Variants in ADAMTS18 observed in about 807,000 individuals in gnomAD.
ADAMTS18 encodes the protein ADAM metallopeptidase with thrombospondin type 1 motif 18, also known as A disintegrin and metalloproteinase with thrombospondin motifs 18.
Under a neutral mutation model 165.9 loss-of-function variants are expected in ADAMTS18, and 157 were observed. The observed-to-expected ratio is 0.95, with a 90% CI of 0.83 to 1.08. The LOEUF (loss-of-function observed/expected upper bound fraction) is 1.08, where lower values mean the gene tolerates loss of function less well. Among genes scored for constraint, ADAMTS18 ranks in the 50% least tolerant of loss-of-function variants. The pLI, the probability that ADAMTS18 is intolerant of heterozygous loss-of-function variation, is 0.00. For missense variants in ADAMTS18, 2,040 were observed against 1,534.0 expected, an observed-to-expected ratio of 1.33 and a Z score of -5.51; for synonymous variants, 782 against 578.2, an observed-to-expected ratio of 1.35 and a Z score of -5.06.
intron 3 of ADAMTS18, among the ~76,000 whole-genome samples, chr16:77,409,444 G>C (rs1219744117): frequency 6.6e-6 from 1 of 152,136 alleles, no homozygotes; most frequent in Non-Finnish European, 1.5e-5. Flanking sequence ...TTATTCCACA[G>C]AGAATAACAA....
At chr16:77,341,920 A>C in intron 10 of ADAMTS18, 121 bp from the exon 11 acceptor site, 1 of 801,210 alleles carries the variant, frequency 1.2e-6, no homozygotes, top group Non-Finnish European at 2.0e-6. Context: ...ATTATTCAGA[A>C]AGTAGAGGCC....
chr16:77,293,967 T>C (rs908328042), intron 19 of ADAMTS18, among the ~76,000 whole-genome samples: 4 of 151,900 alleles, frequency 2.6e-5, no homozygotes, highest in African/African-American at 4.8e-5. Context: ...CTAACAGATA[T>C]GTCCTAACAT....
chr16:77,334,981 T>C lies in ADAMTS18; in HGVS notation c.1859+775A>G, dbSNP rs1039599348. 5.6e-5 allele frequency among the ~76,000 whole-genome samples: 8 copies of C among 143,380 alleles called. No individual in the cohort carries two copies. In the East Asian group the frequency reaches 1.6e-3, roughly 29 times the overall value. The allele number at this position is 143,380 out of a possible 152,430, so 94.1% of individuals were successfully genotyped here. A position where few individuals can be genotyped will look rare whatever the true frequency, so the allele number is the denominator to read the frequency against. On this transcript the variant is annotated intron_variant, in intron 12 of 22. Transcript: ENST00000282849. ...TATATATACTGTATATTATAGTATA[T>C]AGTAGTATATATACTGTATATTAAT...
At chr16:77,324,040 AT>A (rs2056051242) in intron 13 of ADAMTS18, among the ~76,000 whole-genome samples, 1 of 152,248 alleles carries the variant, frequency 6.6e-6, no homozygotes, top group South Asian at 2.1e-4. Context: ...TTCTCCTTAT[AT>A]CTTCAACACA....
chr16:77,420,476 A>G (rs971530830), intron 3 of ADAMTS18, among the ~76,000 whole-genome samples: 1 of 152,194 alleles, frequency 6.6e-6, no homozygotes, highest in African/African-American at 2.4e-5. Flanking sequence ...AGACCTGAGC[A>G]TAAGCGTCTG....
At chr16:77,399,298 C>G (rs1436346668) in intron 3 of ADAMTS18, among the ~76,000 whole-genome samples, 10 of 152,142 alleles carry the variant, frequency 6.6e-5, no homozygotes, top group Non-Finnish European at 1.5e-5. Flanking sequence ...ATGAAGCAGA[C>G]AAGGAGGAAA....
At chr16:77,314,753 C>CTTATATATATATATATACATATATAT (rs1555511655) in intron 16 of ADAMTS18, among the ~76,000 whole-genome samples, 1 of 36,902 alleles carries the variant, frequency 2.7e-5, no homozygotes, top group African/African-American at 1.1e-4. Flanking sequence ...TCTCAGGTTT[C>CTTATATATATATATATACATATATAT]ATATATATAT....
chr16:77,283,826 A>C lies in ADAMTS18; in HGVS notation c.*130T>G, dbSNP rs1249109415. On this transcript the variant is annotated 3_prime_UTR_variant, in exon 23 of 23. Coordinates refer to ENST00000282849, the MANE Select transcript of ADAMTS18 (RefSeq NM_199355.4). ...TGGCAACCTGTCTGTTCCTCAGAGCAGGCTCCTTCATCACAGCGGCAGCTC... is the reference window on the plus strand; with the variant it reads ...TGGCAACCTGTCTGTTCCTCAGAGCCGGCTCCTTCATCACAGCGGCAGCTC... 3 of 728,394 alleles carry C rather than the reference A, an allele frequency of 4.1e-6. No homozygotes were observed. The highest frequency in any genetic ancestry group is 2.2e-5 in the Admixed American group (1 of 46,486). 45.1% of individuals were successfully genotyped at this position (728,394 alleles called of 1,614,324 possible).
rs1232946060 is a variant in ADAMTS18 at position 77,282,321 on chromosome 16, A to ATAAT, written c.*1631_*1634dup. ...TAATTTTCCATAAAATAATAAAATGATAATTATATAAAGAAATAACTTGCT... is the reference window on the plus strand; with the variant it reads ...TAATTTTCCATAAAATAATAAAATGATAATTAATTATATAAAGAAATAACTTGCT... On this transcript the variant is annotated 3_prime_UTR_variant, in exon 23 of 23. Coordinates refer to ENST00000282849, the MANE Select transcript of ADAMTS18 (RefSeq NM_199355.4). 2.0e-5 allele frequency: 3 copies of ATAAT among 152,128 alleles called. No individual in the cohort carries two copies. Among genetic ancestry groups the ATAAT allele is most frequent in the Non-Finnish European group, 4.4e-5 (3 of 68,026 alleles). The allele number at this position is 152,128 out of a possible 1,614,324, so 9.4% of individuals were successfully genotyped here.
chr16:77,383,437 A>G (rs758955426), intron 3 of ADAMTS18, among the ~76,000 whole-genome samples: 3 of 152,146 alleles, frequency 2.0e-5, no homozygotes, highest in Non-Finnish European at 4.4e-5. Flanking sequence ...TAAATAAAAA[A>G]GCCAAGTTCC....
At chr16:77,325,784 C>A in intron 13 of ADAMTS18, 82 bp downstream of exon 13, 1 of 1,405,398 alleles carries the variant, frequency 7.1e-7, no homozygotes, top group Non-Finnish European at 9.9e-7. Flanking sequence ...CTCTTTGATA[C>A]AAGCAGCAAT....
Position 77,325,855 on chromosome 16 carries a change from G to C in ADAMTS18, c.2032+11C>G, listed in dbSNP as rs775071583. On this transcript the variant is annotated intron_variant, in intron 13 of 22. Transcript: ENST00000282849. ...TAGAGACTTATTTGAATGTCATAGA[G>C]ACCAAATTACCTTCCACTTTTGTAT... The C allele has an allele frequency of 3.7e-6, 6 of 1,610,964 alleles. No individual in the cohort carries two copies. In the East Asian group the frequency reaches 1.3e-4, roughly 36 times the overall value.
At chr16:77,354,155 G>C (rs1479987853) in intron 9 of ADAMTS18, among the ~76,000 whole-genome samples, 1 of 152,104 alleles carries the variant, frequency 6.6e-6, no homozygotes, top group Non-Finnish European at 1.5e-5. Context: ...AGACAGGAAA[G>C]GTTAATACAT....
At chr16:77,424,960 C>T (rs2057653172) in intron 3 of ADAMTS18, among the ~76,000 whole-genome samples, 1 of 152,196 alleles carries the variant, frequency 6.6e-6, no homozygotes, top group Admixed American at 6.5e-5. Context: ...TCAACTTCAG[C>T]CCTTTTATGA....
At chr16:77,359,913 C>T (rs891135) in intron 7 of ADAMTS18, among the ~76,000 whole-genome samples, 80,353 of 151,738 alleles carry the variant, frequency 0.53, 21,775 homozygotes, top group Non-Finnish European at 0.58. Context: ...GTCTAAGCAA[C>T]ATGTGCAGAT....
chr16:77,366,120 A>G (rs922850563), intron 4 of ADAMTS18, among the ~76,000 whole-genome samples: 12 of 151,388 alleles, frequency 7.9e-5, no homozygotes, highest in Admixed American at 2.0e-4. Flanking sequence ...CCTCCTGATT[A>G]ATATCTTAGT....
chr16:77,419,687 G>C (rs994917278), intron 3 of ADAMTS18, among the ~76,000 whole-genome samples: 1 of 152,110 alleles, frequency 6.6e-6, no homozygotes, highest in African/African-American at 2.4e-5. Context: ...GGTACACTGG[G>C]AGCCAGCAAT....
chr16:77,405,202 A>T (rs1023952326), intron 3 of ADAMTS18, among the ~76,000 whole-genome samples: 2 of 152,176 alleles, frequency 1.3e-5, no homozygotes, highest in Non-Finnish European at 2.9e-5. Context: ...AGCTAAGTGG[A>T]TCCAAATTCA....
In ADAMTS18 at chr16:77,289,157, C is replaced by T. The variant is rs571870461; in HGVS notation, c.3550+107G>A. ...TGTCACATAGACTTCGGGTGAATGG[C>T]TTACCCTAGAGTTGTACAATGTCAC... On this transcript the variant is annotated intron_variant, in intron 22 of 22. Transcript: ENST00000282849. 3 of 1,436,474 alleles carry T rather than the reference C, an allele frequency of 2.1e-6. No homozygotes were observed. The African/African-American group carries it at 4.2e-5, about 20-fold the overall frequency. 89.0% of individuals were successfully genotyped at this position (1,436,474 alleles called of 1,614,324 possible).
Sources: allele counts gnomAD v4.1 joint callset (sites outside exome capture counted in the v4.1 genomes callset), GRCh38; gene constraint gnomAD v4.1.1; transcripts MANE v1.5; gene names NCBI Gene and HGNC (gene_info 2026-07-23, HGNC 2026-07-21).